NR2F1-AS1: variants seen among roughly 807,000 people sequenced by gnomAD.
NR2F1-AS1 encodes the protein NR2F1 regulatory antisense RNA 1.
chr5:93,458,075 G>GC (rs1476592571), intron 4 of NR2F1-AS1, among the ~76,000 whole-genome samples: 1 of 152,178 alleles, frequency 6.6e-6, no homozygotes, highest in African/African-American at 2.4e-5. Context: ...GGGGTGGCCA[G>GC]CCCCTCCACA....
At chr5:93,582,003 TTC>T (rs144073259), upstream of NR2F1-AS1, among the ~76,000 whole-genome samples, 16,046 of 91,332 alleles carry the variant, frequency 0.18, 2,727 homozygotes, top group African/African-American at 0.44. Flanking sequence ...CTCTCCTCTC[TTC>T]TCTCTCTCTC....
intron 4 of NR2F1-AS1, among the ~76,000 whole-genome samples, chr5:93,426,121 C>A (rs1749190414): frequency 6.6e-6 from 1 of 151,804 alleles, no homozygotes; most frequent in African/African-American, 2.4e-5. Context: ...CATCTTGGCT[C>A]ACTGCAACCT....
At chr5:93,535,376 A>T (rs1751818307) in intron 4 of NR2F1-AS1, among the ~76,000 whole-genome samples, 1 of 151,728 alleles carries the variant, frequency 6.6e-6, no homozygotes, top group Admixed American at 6.6e-5. Context: ...TAAAAGGGAA[A>T]ATTAAAATAG....
intron 1 of NR2F1-AS1, among the ~76,000 whole-genome samples, chr5:93,578,048 T>C (rs1323034300): frequency 1.3e-5 from 2 of 152,136 alleles, no homozygotes; most frequent in Non-Finnish European, 2.9e-5. Context: ...GAGACCAAGA[T>C]ATCAATATCA....
intron 4 of NR2F1-AS1, among the ~76,000 whole-genome samples, chr5:93,450,489 A>C (rs966838553): frequency 2.0e-5 from 3 of 152,202 alleles, no homozygotes; most frequent in Non-Finnish European, 4.4e-5. Flanking sequence ...TAAGCAAAAT[A>C]TTTCCATACT....
chr5:93,534,370 A>T (rs889916701), intron 4 of NR2F1-AS1, among the ~76,000 whole-genome samples: 2 of 152,190 alleles, frequency 1.3e-5, no homozygotes, highest in Admixed American at 1.3e-4. Flanking sequence ...TATTTTTCTT[A>T]CTATAATGAG....
In NR2F1-AS1 at chr5:93,476,921, C is replaced by A. The variant is rs926675740; in HGVS notation, n.638+76840G>T. On this transcript the variant is annotated intron_variant and non_coding_transcript_variant, in intron 4 of 5. Transcript: ENST00000660523. ...AATTAGTTGGTCTTTTTACTATAGG[C>A]CTTAGAGGTAATTGCATTCTGCTGG... Among the ~76,000 whole-genome samples, 5 of 152,074 alleles carry A rather than the reference C, an allele frequency of 3.3e-5. No homozygotes were observed. In the South Asian group the frequency reaches 8.3e-4, roughly 25 times the overall value.
chr5:93,558,286 C>T (rs996921284), intron 2 of NR2F1-AS1, among the ~76,000 whole-genome samples: 20 of 151,326 alleles, frequency 1.3e-4, no homozygotes, highest in African/African-American at 3.2e-4. Context: ...GGAATCACTA[C>T]GTATGGCAGC....
intron 4 of NR2F1-AS1, among the ~76,000 whole-genome samples, chr5:93,498,037 C>A (rs1313131238): frequency 2.6e-5 from 4 of 151,988 alleles, no homozygotes; most frequent in Non-Finnish European, 5.9e-5. Flanking sequence ...GAGAATAAGT[C>A]TTATGGCCAG....
chr5:93,557,596 G>A (rs1330661839), intron 2 of NR2F1-AS1, among the ~76,000 whole-genome samples: 2 of 152,104 alleles, frequency 1.3e-5, no homozygotes, highest in African/African-American at 4.8e-5. Context: ...AAATGTGAAT[G>A]ATCATCTGAG....
At chr5:93,439,062 G>A (rs935671718) in intron 4 of NR2F1-AS1, among the ~76,000 whole-genome samples, 1 of 152,026 alleles carries the variant, frequency 6.6e-6, no homozygotes, top group Non-Finnish European at 1.5e-5. Context: ...GTAAAGCAGG[G>A]AAAAAAGATT....
chr5:93,430,313 C>A (rs1749283571), intron 4 of NR2F1-AS1, among the ~76,000 whole-genome samples: 1 of 152,200 alleles, frequency 6.6e-6, no homozygotes, highest in South Asian at 2.1e-4. Flanking sequence ...GTCACCCAGG[C>A]TTCATGGCAA....
intron 1 of NR2F1-AS1, among the ~76,000 whole-genome samples, chr5:93,569,654 G>A (rs1473568947): frequency 6.6e-6 from 1 of 152,152 alleles, no homozygotes; most frequent in Non-Finnish European, 1.5e-5. Flanking sequence ...AAATTCCCAA[G>A]GAAGGCACTA....
intron 4 of NR2F1-AS1, among the ~76,000 whole-genome samples, chr5:93,502,882 G>A (rs1751113244): frequency 6.6e-6 from 1 of 152,160 alleles, no homozygotes; most frequent in Non-Finnish European, 1.5e-5. Context: ...GGGCTGGACA[G>A]TGTCAATAGT....
At chr5:93,418,853 A>C (rs1053985441) in intron 4 of NR2F1-AS1, among the ~76,000 whole-genome samples, 3 of 152,194 alleles carry the variant, frequency 2.0e-5, no homozygotes, top group Non-Finnish European at 2.9e-5. Flanking sequence ...ATTACTGAAA[A>C]AGAATATGGA....
chr5:93,567,738 A>T (rs1752650328), intron 1 of NR2F1-AS1, among the ~76,000 whole-genome samples: 1 of 152,198 alleles, frequency 6.6e-6, no homozygotes. Context: ...CAGTTTATTT[A>T]AAGAGGATAG....
At chr5:93,480,623 T>C (rs1413458253) in intron 4 of NR2F1-AS1, among the ~76,000 whole-genome samples, 13 of 152,276 alleles carry the variant, frequency 8.5e-5, no homozygotes. Context: ...ATTTTGGGCA[T>C]GTAATTTCCC....
At chr5:93,507,719 G>A (rs1169927626) in intron 4 of NR2F1-AS1, among the ~76,000 whole-genome samples, 1 of 152,090 alleles carries the variant, frequency 6.6e-6, no homozygotes, top group Non-Finnish European at 1.5e-5. Flanking sequence ...CAAATAACAT[G>A]ATTATACAGA....
chr5:93,506,321 T>C (rs974265242), intron 4 of NR2F1-AS1, among the ~76,000 whole-genome samples: 7 of 152,208 alleles, frequency 4.6e-5, no homozygotes, highest in Non-Finnish European at 8.8e-5. Context: ...TTCCAAACTT[T>C]CCCACATTTT....
Sources: gnomAD v4.1 joint callset for allele counts (sites outside exome capture counted in the v4.1 genomes callset) on GRCh38, gnomAD v4.1.1 for gene constraint, MANE v1.5 for transcripts, NCBI Gene and HGNC (gene_info 2026-07-23, HGNC 2026-07-21) for gene names.